RBFOX1: variants seen among roughly 807,000 people sequenced by gnomAD.
RBFOX1 encodes RNA binding protein fox-1 homolog 1.
In RBFOX1, 8 loss-of-function variants were observed where a neutral mutation model predicts 57.7. That is an observed-to-expected ratio of 0.14 (90% CI 0.08 to 0.25). RBFOX1 has a LOEUF of 0.25. RBFOX1 is among the 10% of genes least tolerant of loss of function. The pLI is 1.00. For synonymous variants in RBFOX1, 326 were observed against 222.4 expected (o/e 1.47, Z -4.15); for missense variants, 611 against 548.5 (o/e 1.11, Z -1.14).
intron 4 of RBFOX1, among the ~76,000 whole-genome samples, chr16:7,159,629 G>A (rs970243201): frequency 3.9e-5 from 6 of 152,134 alleles, no homozygotes; most frequent in Non-Finnish European, 4.4e-5. Flanking sequence ...CCCGCTTATC[G>A]TGTGTGTTTG....
rs1448947871 is a variant in RBFOX1 at position 7,429,096 on chromosome 16, C to G, written c.28-89051C>G. Reference sequence around the variant, plus strand: ...GTGTGGAAGTGGAGAGGACCCGACTCCAGAGCTGGTGGGAAATCGAGCGGC... The same window carrying G: ...GTGTGGAAGTGGAGAGGACCCGACTGCAGAGCTGGTGGGAAATCGAGCGGC... On this transcript the variant is annotated intron_variant, in intron 4 of 15. Transcript: ENST00000550418. 5.9e-5 allele frequency among the ~76,000 whole-genome samples: 9 copies of G among 152,176 alleles called. No individual in the cohort carries two copies. The East Asian group carries it at 1.7e-3, about 29-fold the overall frequency.
chr16:7,709,520 C>A, intron 15 of RBFOX1: 1 of 1,533,240 alleles, frequency 6.5e-7, no homozygotes, highest in African/African-American at 1.4e-5. Flanking sequence ...CCAGCACAGA[C>A]TTCAGAGGAG....
At chr16:7,163,515 G>C (rs1393149907) in intron 4 of RBFOX1, among the ~76,000 whole-genome samples, 1 of 151,936 alleles carries the variant, frequency 6.6e-6, no homozygotes, top group Non-Finnish European at 1.5e-5. Context: ...GTTCCCGTTA[G>C]CACTCCCTTT....
At chr16:6,640,875 C>G (rs984419892) in intron 2 of RBFOX1, among the ~76,000 whole-genome samples, 1 of 152,120 alleles carries the variant, frequency 6.6e-6, no homozygotes, top group African/African-American at 2.4e-5. Context: ...AGACCCAAAA[C>G]AAGCAACATG....
chr16:7,371,360 G>A (rs898198216), intron 4 of RBFOX1, among the ~76,000 whole-genome samples: 3 of 152,142 alleles, frequency 2.0e-5, no homozygotes, highest in Non-Finnish European at 2.9e-5. Flanking sequence ...AACGGAAGAC[G>A]GGAAATGAAG....
intron 3 of RBFOX1, among the ~76,000 whole-genome samples, chr16:6,831,041 C>T (rs914503065): frequency 3.9e-5 from 6 of 152,212 alleles, no homozygotes; most frequent in African/African-American, 1.4e-4. Flanking sequence ...ATTGATCTCA[C>T]TCTTTTTGCT....
chr16:7,668,322 C>T (rs1189124210), intron 13 of RBFOX1, among the ~76,000 whole-genome samples: 2 of 152,188 alleles, frequency 1.3e-5, no homozygotes, highest in East Asian at 1.9e-4. Flanking sequence ...CTCAAATGAC[C>T]TCCTTCTGAA....
intron 3 of RBFOX1, among the ~76,000 whole-genome samples, chr16:6,876,182 C>A (rs1256885194): frequency 6.6e-6 from 1 of 151,346 alleles, no homozygotes; most frequent in South Asian, 2.1e-4. Context: ...GAAGGACCCT[C>A]TCAAAAAAAA....
intron 2 of RBFOX1, among the ~76,000 whole-genome samples, chr16:6,588,675 C>T (rs942308586): frequency 6.6e-6 from 1 of 152,088 alleles, no homozygotes; most frequent in South Asian, 2.1e-4. Flanking sequence ...GAGAAATGCA[C>T]CTTCCTCCCT....
chr16:5,399,731 C>G (rs1330524065), intron 1 of RBFOX1, among the ~76,000 whole-genome samples: 1 of 147,926 alleles, frequency 6.8e-6, no homozygotes, highest in East Asian at 2.0e-4. Context: ...GAGACCCTGT[C>G]TTAAAAAAAA....
intron 1 of RBFOX1, among the ~76,000 whole-genome samples, chr16:6,299,483 C>A (rs533322542): frequency 1.3e-5 from 2 of 152,220 alleles, no homozygotes; most frequent in Non-Finnish European, 2.9e-5. Flanking sequence ...AAGGTCACAG[C>A]GCCAGCACAT....
At chr16:5,342,404 G>A (rs1427939887) in intron 1 of RBFOX1, among the ~76,000 whole-genome samples, 1 of 152,162 alleles carries the variant, frequency 6.6e-6, no homozygotes, top group Non-Finnish European at 1.5e-5. Context: ...GGTGAATAAT[G>A]CCTCAGTCTC....
chr16:6,461,725 A>G (rs116601458), intron 2 of RBFOX1, among the ~76,000 whole-genome samples: 2,406 of 152,292 alleles, frequency 0.016, 70 homozygotes, highest in African/African-American at 0.052. Flanking sequence ...CAATCTGCAG[A>G]TTAATGGGAT....
At position 5,240,119 on chromosome 16, in the gene RBFOX1, G is replaced by A. The variant is rs2333768; in HGVS notation, c.219+14G>A. ...GACGGCAGAGGAGTAAGTGACGCGGGCGCGGGGGTCCGGGGGTGCCGGGGG... is the reference window on the plus strand; with the variant it reads ...GACGGCAGAGGAGTAAGTGACGCGGACGCGGGGGTCCGGGGGTGCCGGGGG... On this transcript the variant is annotated intron_variant, in intron 1 of 2. Transcript: ENST00000585867. The A allele has an allele frequency of 4.7e-6, 7 of 1,494,916 alleles. No homozygotes were observed. The Admixed American group carries it at 1.2e-4, about 25-fold the overall frequency. The allele number at this position is 1,494,916 out of a possible 1,614,324, so 92.6% of individuals were successfully genotyped here. A position where few individuals can be genotyped will look rare whatever the true frequency, so the allele number is the denominator to read the frequency against.
At chr16:7,578,879 C>T (rs897004166) in intron 5 of RBFOX1, among the ~76,000 whole-genome samples, 5 of 152,152 alleles carry the variant, frequency 3.3e-5, no homozygotes, top group Non-Finnish European at 5.9e-5. Flanking sequence ...CTTTTCCCCT[C>T]GTTCCTGCCA....
At chr16:5,709,900 A>G (rs1319813905) in intron 3 of RBFOX1, among the ~76,000 whole-genome samples, 1 of 118,032 alleles carries the variant, frequency 8.5e-6, no homozygotes, top group African/African-American at 3.4e-5. Context: ...ATTCTTCACA[A>G]CGGCCCCGTG....
intron 3 of RBFOX1, among the ~76,000 whole-genome samples, chr16:6,892,850 G>GC (rs1178625064): frequency 7.3e-6 from 1 of 137,158 alleles, no homozygotes; most frequent in Non-Finnish European, 1.5e-5. Context: ...GGTGTTCTGT[G>GC]CCCCCCTCCC....
chr16:6,639,314 C>G (rs556339914), intron 2 of RBFOX1, among the ~76,000 whole-genome samples: 1 of 152,088 alleles, frequency 6.6e-6, no homozygotes, highest in Non-Finnish European at 1.5e-5. Flanking sequence ...TAAATAGTTT[C>G]GTTGAGTCCT....
chr16:6,760,767 A>G (rs895500132), intron 3 of RBFOX1, among the ~76,000 whole-genome samples: 1 of 152,228 alleles, frequency 6.6e-6, no homozygotes, highest in African/African-American at 2.4e-5. Context: ...AGATGCAGAG[A>G]TGAGCAGTCA....
Sources: gnomAD v4.1 joint callset for allele counts (sites outside exome capture counted in the v4.1 genomes callset) on GRCh38, gnomAD v4.1.1 for gene constraint, MANE v1.5 for transcripts, NCBI Gene and HGNC (gene_info 2026-07-23, HGNC 2026-07-21) for gene names.